Variants in PTGER3 observed in about 807,000 individuals in gnomAD.
PTGER3 encodes prostaglandin E receptor 3, also known as prostaglandin E2 receptor EP3 subtype.
Under a neutral mutation model 34.7 loss-of-function variants are expected in PTGER3, and 22 were observed. The ratio of observed to expected loss-of-function variants is 0.63; its 90% CI spans 0.45 to 0.91. The LOEUF (loss-of-function observed/expected upper bound fraction) is 0.91. PTGER3 is among the 40% of genes least tolerant of loss of function. The pLI, the probability that PTGER3 is intolerant of heterozygous loss-of-function variation, is 0.00. For missense variants in PTGER3, 468 were observed against 519.4 expected (o/e 0.90, Z 0.96); for synonymous variants, 241 against 230.1 (o/e 1.05, Z -0.43).
chr1:71,046,594 C>T (rs1310087031), intron 1 of PTGER3, 87 bp downstream of exon 1: 1 of 1,450,462 alleles, frequency 6.9e-7, no homozygotes, highest in African/African-American at 1.4e-5. Context: ...CAAACACACC[C>T]CTGCGGGTGC....
At chr1:70,958,349 T>C (rs1651573878) in intron 2 of PTGER3, among the ~76,000 whole-genome samples, 1 of 152,166 alleles carries the variant, frequency 6.6e-6, no homozygotes. Flanking sequence ...TTTGCCAGCA[T>C]GTTTGTCTTT....
chr1:70,852,579 G>A (rs1334072085), exon 5 of PTGER3: 1 of 512,164 alleles, frequency 2.0e-6, no homozygotes, highest in Admixed American at 3.8e-5. Context: ...TTTTACATAT[G>A]ATAATGTATA....
chr1:71,007,880 T>C, intron 2 of PTGER3: 4 of 985,370 alleles, frequency 4.1e-6, no homozygotes, highest in Non-Finnish European at 3.6e-6. Context: ...ACTTGAGAAG[T>C]GGAATCATCT....
At chr1:70,892,832 C>A (rs1156527804) in intron 4 of PTGER3, among the ~76,000 whole-genome samples, 2 of 128,428 alleles carry the variant, frequency 1.6e-5, no homozygotes, top group African/African-American at 3.1e-5. Flanking sequence ...CAGAGCAAGA[C>A]TCCTCAAAAA....
At chr1:70,957,920 G>A (rs1651524325) in intron 2 of PTGER3, among the ~76,000 whole-genome samples, 1 of 152,108 alleles carries the variant, frequency 6.6e-6, no homozygotes, top group Non-Finnish European at 1.5e-5. Flanking sequence ...TCACATGAGT[G>A]AGATTATGCA....
chr1:70,940,762 TACAATTCAAGTTGATATTTGAGTGGGGAC>T (rs1649683699), intron 4 of PTGER3, among the ~76,000 whole-genome samples: 1 of 152,206 alleles, frequency 6.6e-6, no homozygotes, highest in African/African-American at 2.4e-5. Flanking sequence ...TTCTGGGAGA[TACAATTCAAGTTGATATTTGAGTGGGGAC>T]ACAGACAAAC....
In PTGER3 at chr1:71,047,302, G is replaced by A. The variant is rs548112991; in HGVS notation, c.276C>T (p.Ile92=). The part of the protein sequence containing the change: ...SKRKKSFLLC[I]GWLALTDLVG... ...CCAGGTCGGTGAGCGCCAGCCAGCC[G>A]ATGCACAGCAGGAAGGACTTCTTGC... is the stretch of plus-strand genomic sequence containing the variant. The change falls in exon 1 of 4, where the codon ATC becomes ATT. Residue 92 remains isoleucine, a synonymous_variant. Transcript: ENST00000306666. 12 of 1,604,054 alleles carry A rather than the reference G, an allele frequency of 7.5e-6. No homozygotes were observed. The highest frequency in any genetic ancestry group is 5.6e-5 in the South Asian group (5 of 89,252).
At chr1:70,960,886 T>C (rs573688) in intron 2 of PTGER3, among the ~76,000 whole-genome samples, 129,976 of 152,184 alleles carry the variant, frequency 0.85, 55,560 homozygotes, top group East Asian at 0.94. Context: ...CCACTTCTAG[T>C]TCTCTGGGCC....
At chr1:70,997,550 G>A (rs2100798989) in intron 2 of PTGER3, among the ~76,000 whole-genome samples, 1 of 152,238 alleles carries the variant, frequency 6.6e-6, no homozygotes, top group South Asian at 2.1e-4. Flanking sequence ...TGTTATTAAT[G>A]ACCACCAGAT....
At chr1:70,895,906 C>T (rs540524238) in intron 4 of PTGER3, among the ~76,000 whole-genome samples, 2 of 152,272 alleles carry the variant, frequency 1.3e-5, no homozygotes, top group South Asian at 2.1e-4. Flanking sequence ...TTTCACAGAT[C>T]CCTAGTGGTT....
Position 71,016,440 on chromosome 1 carries a change from T to G in PTGER3, c.898-3956A>C, listed in dbSNP as rs1336718795. 2.0e-5 allele frequency among the ~76,000 whole-genome samples: 3 copies of G among 152,180 alleles called. No individual in the cohort carries two copies. The East Asian group carries it at 5.8e-4, about 29-fold the overall frequency. On this transcript the variant is annotated intron_variant, in intron 1 of 3. Transcript: ENST00000306666. ...ATATTATTTAAAATAGGCAGACTTGTGGAAGGCAATGGAATTACTGCTATT... is the reference window on the plus strand; with the variant it reads ...ATATTATTTAAAATAGGCAGACTTGGGGAAGGCAATGGAATTACTGCTATT...
chr1:71,035,055 A>G (rs1184722744), intron 1 of PTGER3, among the ~76,000 whole-genome samples: 11 of 152,198 alleles, frequency 7.2e-5, no homozygotes, highest in Non-Finnish European at 1.6e-4. Flanking sequence ...AAGGTAAAAA[A>G]TTTCCTATTA....
intron 4 of PTGER3, among the ~76,000 whole-genome samples, chr1:70,924,844 C>T (rs372780153): frequency 1.4e-4 from 21 of 152,214 alleles, no homozygotes; most frequent in African/African-American, 4.1e-4. Context: ...TTATTTCTTG[C>T]GTGAGATCCA....
chr1:71,036,657 G>A (rs1157028072), intron 1 of PTGER3, among the ~76,000 whole-genome samples: 1 of 152,052 alleles, frequency 6.6e-6, no homozygotes, highest in Non-Finnish European at 1.5e-5. Context: ...TGGCTAACAC[G>A]GTGAAACCCC....
intron 2 of PTGER3, among the ~76,000 whole-genome samples, chr1:70,986,138 C>T (rs181691162): frequency 1.1e-4 from 17 of 152,208 alleles, no homozygotes; most frequent in South Asian, 2.1e-4. Flanking sequence ...ACAAATGCCA[C>T]GGCAACAACA....
intron 4 of PTGER3, among the ~76,000 whole-genome samples, chr1:70,910,618 G>A (rs1432442339): frequency 6.6e-6 from 1 of 152,046 alleles, no homozygotes; most frequent in African/African-American, 2.4e-5. Context: ...TTTTGCCTAG[G>A]GAAACACAAT....
In PTGER3 at chr1:70,903,366, C is replaced by A. The variant is rs1241278697; in HGVS notation, c.*23+50397G>T. On this transcript the variant is annotated intron_variant, in intron 4 of 4. Coordinates refer to the PTGER3 transcript ENST00000370931. ...GCCCTGGAAAAGCAACATAACACCT[C>A]AAAACTAATCATTATAAGTGAGATA... 3.3e-5 allele frequency among the ~76,000 whole-genome samples: 5 copies of A among 152,254 alleles called. No individual in the cohort carries two copies. The East Asian group carries it at 9.6e-4, about 29-fold the overall frequency.
intron 1 of PTGER3, among the ~76,000 whole-genome samples, chr1:71,046,272 C>T (rs1304791013): frequency 9.0e-6 from 1 of 111,418 alleles, no homozygotes; most frequent in Admixed American, 1.4e-4. Flanking sequence ...GGTGACAGAG[C>T]GAGACTCCGT....
At chr1:70,935,643 A>G (rs1649140070) in intron 4 of PTGER3, among the ~76,000 whole-genome samples, 1 of 146,498 alleles carries the variant, frequency 6.8e-6, no homozygotes, top group Non-Finnish European at 1.5e-5. Flanking sequence ...CTATTGAGAC[A>G]TTGTGTTGGT....
Sources: gnomAD v4.1 joint callset for allele counts (sites outside exome capture counted in the v4.1 genomes callset) on GRCh38, gnomAD v4.1.1 for gene constraint, MANE v1.5 for transcripts, NCBI Gene and HGNC (gene_info 2026-07-23, HGNC 2026-07-21) for gene names.